Variants in SEMA6A observed in about 807,000 individuals in gnomAD.
SEMA6A encodes semaphorin 6A, also known as semaphorin-6A.
SEMA6A carries 25 observed loss-of-function variants against 96.8 expected under a neutral mutation model. The ratio of observed to expected loss-of-function variants is 0.26; its 90% CI spans 0.19 to 0.36. SEMA6A has a LOEUF of 0.36. Ranked by LOEUF, SEMA6A falls within the 10% of genes least tolerant of loss-of-function variation. The probability of loss-of-function intolerance (pLI) is 1.00; values close to 1 mark genes in which losing one functional copy is unlikely to be tolerated. For synonymous variants in SEMA6A, 612 were observed against 518.0 expected, an observed-to-expected ratio of 1.18 and a Z score of -2.46; for missense variants, 1,363 against 1,323.1, an observed-to-expected ratio of 1.03 and a Z score of -0.47.
In SEMA6A at chr5:116,443,657, A is replaced by G. The variant is rs546771841; in HGVS notation, c.*2956T>C. 2.0e-5 allele frequency: 3 copies of G among 152,230 alleles called. No homozygotes were observed. The highest frequency in any genetic ancestry group is 1.9e-4 in the East Asian group (1 of 5,182). 9.4% of individuals were successfully genotyped at this position (152,230 alleles called of 1,614,324 possible). On this transcript the variant is annotated 3_prime_UTR_variant, in exon 19 of 19. Coordinates refer to ENST00000343348, the MANE Select transcript of SEMA6A (RefSeq NM_020796.5). ...CTTTTCTTTTTTCTTTTCTTACAAC[A>G]TACATTAAGTCGTGAATCAGATGTT...
chr5:116,535,551 A>G (rs573875247), intron 1 of SEMA6A, among the ~76,000 whole-genome samples: 1 of 152,300 alleles, frequency 6.6e-6, no homozygotes, highest in Non-Finnish European at 1.5e-5. Context: ...TAACTGTCCT[A>G]TCCTATCAGC....
Position 116,484,342 on chromosome 5 carries a change from A to G in SEMA6A, c.963-1767T>C, listed in dbSNP as rs565504004. On this transcript the variant is annotated intron_variant, in intron 10 of 18. Coordinates refer to ENST00000343348, the MANE Select transcript of SEMA6A (RefSeq NM_020796.5). ...TGAAATCCTTTCTTCCTCCTTCCTTACATTTCTCTCCTTCGTTCCTTTCTT... is the reference window on the plus strand; with the variant it reads ...TGAAATCCTTTCTTCCTCCTTCCTTGCATTTCTCTCCTTCGTTCCTTTCTT... Among the ~76,000 whole-genome samples, 3 of 152,082 alleles carry G rather than the reference A, an allele frequency of 2.0e-5. No individual in the cohort carries two copies. The South Asian group carries it at 6.2e-4, about 32-fold the overall frequency.
At chr5:116,463,788 CA>C (rs1445787275) in intron 18 of SEMA6A, among the ~76,000 whole-genome samples, 2 of 152,174 alleles carry the variant, frequency 1.3e-5, no homozygotes, top group Non-Finnish European at 2.9e-5. Context: ...TGAGAGCTCA[CA>C]AGAACTCTTT....
rs140675298 is a variant in SEMA6A at position 116,495,565 on chromosome 5, T to C, written c.343-51A>G. 2.7e-4 allele frequency: 356 copies of C among 1,316,174 alleles called. 1 individual carries two copies. The African/African-American group carries it at 4.9e-3, about 18-fold the overall frequency. The allele number at this position is 1,316,174 out of a possible 1,614,324, so 81.5% of individuals were successfully genotyped here. On this transcript the variant is annotated intron_variant, in intron 5 of 18. Transcript: ENST00000343348. The stretch of plus-strand genomic sequence containing the variant: ...TATCATGTCCATTCAGTACAGAAAC[T>C]GATTCTTCACTGTATGCCATGGTTG...
At chr5:116,456,010 C>A (rs941631809) in intron 18 of SEMA6A, among the ~76,000 whole-genome samples, 2 of 152,162 alleles carry the variant, frequency 1.3e-5, no homozygotes, top group African/African-American at 2.4e-5. Context: ...GACAGTATTT[C>A]TAGAATGTTT....
intron 2 of SEMA6A, among the ~76,000 whole-genome samples, chr5:116,503,973 A>C (rs1203909612): frequency 2.6e-5 from 4 of 152,024 alleles, no homozygotes; most frequent in Non-Finnish European, 4.4e-5. Flanking sequence ...ATGCCCTTTG[A>C]CTCTGGACTC....
At position 116,496,233 on chromosome 5, in the gene SEMA6A, G is replaced by A. The variant is rs779057368; in HGVS notation, c.342+18C>T. 4.9e-5 allele frequency: 79 copies of A among 1,608,696 alleles called. No homozygotes were observed. Among genetic ancestry groups the A allele is most frequent in the Non-Finnish European group, 1.4e-5 (16 of 1,176,536 alleles). On this transcript the variant is annotated intron_variant, in intron 5 of 18. Transcript: ENST00000343348. Reference sequence around the variant, plus strand: ...TTAACCCAAAGTGGCAGCTGCAGGAGAAATGAAAATTGCCTACCTTATGTT... The same window carrying A: ...TTAACCCAAAGTGGCAGCTGCAGGAAAAATGAAAATTGCCTACCTTATGTT...
At chr5:116,468,950 A>G (rs1028628382) in intron 17 of SEMA6A, 1 of 124,886 alleles carries the variant, frequency 8.0e-6, no homozygotes, top group Admixed American at 8.0e-5. Flanking sequence ...AGTACAGTGC[A>G]TTCTTTTTTT....
chr5:116,475,488 C>G, intron 16 of SEMA6A, 57 bp downstream of exon 16: 1 of 1,221,634 alleles, frequency 8.2e-7, no homozygotes, highest in South Asian at 1.3e-5. Context: ...TGTTTCTAGG[C>G]CATTCACTGA....
chr5:116,531,805 G>A (rs571890287), intron 1 of SEMA6A, among the ~76,000 whole-genome samples: 43 of 152,062 alleles, frequency 2.8e-4, no homozygotes, highest in Admixed American at 1.3e-3. Flanking sequence ...CACCTGCTTT[G>A]ACCTGAGTCA....
At chr5:116,513,826 T>C (rs1164150040) in intron 1 of SEMA6A, among the ~76,000 whole-genome samples, 1 of 152,144 alleles carries the variant, frequency 6.6e-6, no homozygotes, top group Non-Finnish European at 1.5e-5. Context: ...TTCTTCCCCG[T>C]GTGTCCATTT....
chr5:116,471,140 C>T (rs1293643849), intron 17 of SEMA6A: 1 of 152,096 alleles, frequency 6.6e-6, no homozygotes, highest in African/African-American at 2.4e-5. Context: ...TAGATTTAGC[C>T]TGAAATGGAT....
chr5:116,523,584 T>C (rs765314468), intron 1 of SEMA6A, among the ~76,000 whole-genome samples: 4 of 152,082 alleles, frequency 2.6e-5, no homozygotes, highest in Non-Finnish European at 5.9e-5. Context: ...AGTGTTGGGA[T>C]TACATGCATG....
At chr5:116,475,151 CAATT>C (rs1210993174) in intron 16 of SEMA6A, among the ~76,000 whole-genome samples, 1 of 152,048 alleles carries the variant, frequency 6.6e-6, no homozygotes, top group Non-Finnish European at 1.5e-5. Flanking sequence ...CAGGCCCACT[CAATT>C]AAAAAGCTAG....
At chr5:116,481,437 C>T (rs1264867253) in intron 11 of SEMA6A, among the ~76,000 whole-genome samples, 1 of 152,186 alleles carries the variant, frequency 6.6e-6, no homozygotes, top group Non-Finnish European at 1.5e-5. Flanking sequence ...AACAGAATAT[C>T]AACATGCCAG....
At chr5:116,530,072 C>T (rs911257598) in intron 1 of SEMA6A, among the ~76,000 whole-genome samples, 1 of 152,064 alleles carries the variant, frequency 6.6e-6, no homozygotes, top group African/African-American at 2.4e-5. Flanking sequence ...TTATAATCAA[C>T]ATTTCCCTCT....
chr5:116,496,376 A>C, intron 4 of SEMA6A, 63 bp from the exon 5 acceptor site: 5 of 1,444,662 alleles, frequency 3.5e-6, no homozygotes, highest in Non-Finnish European at 4.9e-6. Flanking sequence ...TTTTAGAAGT[A>C]AGAGTTCCCT....
intron 9 of SEMA6A, 165 bp from the exon 10 acceptor site, chr5:116,487,131 A>C: frequency 3.4e-6 from 2 of 596,610 alleles, no homozygotes; most frequent in Non-Finnish European, 2.9e-6. Context: ...AAAAGAGGAA[A>C]ACTCAGCATT....
At position 116,488,813 on chromosome 5, in the gene SEMA6A, C is replaced by T. The variant is rs898092224; in HGVS notation, c.655+75G>A. 5 of 1,445,390 alleles carry T rather than the reference C, an allele frequency of 3.5e-6. No homozygotes were observed. In the African/African-American group the frequency reaches 4.3e-5, roughly 12 times the overall value. The allele number at this position is 1,445,390 out of a possible 1,614,324, so 89.5% of individuals were successfully genotyped here. ...CTCAAATGAAGATACAGTCTGGTCC[C>T]TCCAGACTCTAAATCTCCCACAAGA... On this transcript the variant is annotated intron_variant, in intron 8 of 18. Coordinates refer to ENST00000343348, the MANE Select transcript of SEMA6A (RefSeq NM_020796.5).
Sources: gnomAD v4.1 joint callset for allele counts (sites outside exome capture counted in the v4.1 genomes callset) on GRCh38, gnomAD v4.1.1 for gene constraint, MANE v1.5 for transcripts, NCBI Gene and HGNC (gene_info 2026-07-23, HGNC 2026-07-21) for gene names.